Variants in APBA2 observed in about 807,000 individuals in gnomAD.
The protein encoded by APBA2 is amyloid-beta A4 precursor protein-binding family A member 2.
APBA2 carries 30 observed loss-of-function variants against 75.0 expected under a neutral mutation model. That is an observed-to-expected ratio of 0.40 (90% confidence interval 0.30 to 0.54). The LOEUF (loss-of-function observed/expected upper bound fraction) is 0.54, where lower values mean the gene tolerates loss of function less well. Among genes scored for constraint, APBA2 ranks in the 20% least tolerant of loss-of-function variants. The probability of loss-of-function intolerance (pLI) is 0.49; values close to 1 mark genes in which losing one functional copy is unlikely to be tolerated. For missense variants in APBA2, 801 were observed against 1,016.1 expected (o/e 0.79, Z 2.88); for synonymous variants, 444 against 409.6 (o/e 1.08, Z -1.01).
At chr15:29,076,022 T>G in intron 5 of APBA2, 33 bp from the exon 6 acceptor site, 2 of 1,608,116 alleles carry the variant, frequency 1.2e-6, no homozygotes, top group Non-Finnish European at 1.7e-6. Flanking sequence ...TTAACAATTG[T>G]TATGTGTTTT....
chr15:28,996,594 A>T (rs1336705565), intron 3 of APBA2, among the ~76,000 whole-genome samples: 1 of 152,144 alleles, frequency 6.6e-6, no homozygotes, highest in Non-Finnish European at 1.5e-5. Context: ...GCGGCTTTGT[A>T]GGGAAACTGG....
At chr15:29,100,149 G>A (rs2044046603) in intron 9 of APBA2, among the ~76,000 whole-genome samples, 1 of 152,216 alleles carries the variant, frequency 6.6e-6, no homozygotes, top group Non-Finnish European at 1.5e-5. Context: ...GAGGAGGAGG[G>A]ATCTGCCATT....
intron 4 of APBA2, among the ~76,000 whole-genome samples, chr15:29,060,080 T>C (rs541327684): frequency 2.1e-3 from 321 of 152,270 alleles, no homozygotes; most frequent in African/African-American, 7.4e-3. Context: ...ATGCTTCAGT[T>C]CCAAGATGAT....
chr15:29,036,807 T>C (rs1314571920), intron 3 of APBA2, among the ~76,000 whole-genome samples: 1 of 152,070 alleles, frequency 6.6e-6, no homozygotes, highest in East Asian at 1.9e-4. Context: ...ATTGCTTGAG[T>C]CCAAGACTTT....
In APBA2 at chr15:28,963,179, G is replaced by A. The variant is rs28564039; in HGVS notation, c.-94-32574G>A. On this transcript the variant is annotated intron_variant, in intron 2 of 14. Transcript: ENST00000683413. ...TTTTAAAGAATATTTTTCTAATTAC[G>A]TTTGTTTGTTTGGTCTGGCCTGATG... 3.5e-3 allele frequency among the ~76,000 whole-genome samples: 540 copies of A among 152,258 alleles called. 3 individuals carry two copies. Among genetic ancestry groups the A allele is most frequent in the Non-Finnish European group, 5.0e-3 (339 of 68,018 alleles).
intron 3 of APBA2, among the ~76,000 whole-genome samples, chr15:29,045,797 A>G (rs1162376200): frequency 6.6e-6 from 1 of 152,166 alleles, no homozygotes; most frequent in East Asian, 1.9e-4. Context: ...TATTAAGAAC[A>G]CAGAGCAAAA....
At chr15:29,030,899 T>C (rs2040458075) in intron 3 of APBA2, among the ~76,000 whole-genome samples, 1 of 152,230 alleles carries the variant, frequency 6.6e-6, no homozygotes, top group Admixed American at 6.5e-5. Flanking sequence ...GGCTATTAAT[T>C]TCACCTTTTA....
At chr15:29,069,513 A>T (rs1355924401) in intron 4 of APBA2, among the ~76,000 whole-genome samples, 3 of 152,246 alleles carry the variant, frequency 2.0e-5, no homozygotes, top group Non-Finnish European at 4.4e-5. Flanking sequence ...AAGGAAAAAA[A>T]TTAAGCAGCC....
intron 4 of APBA2, among the ~76,000 whole-genome samples, chr15:29,061,697 A>G (rs1241280560): frequency 6.6e-6 from 1 of 152,198 alleles, no homozygotes; most frequent in Non-Finnish European, 1.5e-5. Flanking sequence ...GAACCTTCTG[A>G]GAGTGTGATA....
chr15:29,011,328 G>A (rs1490078), intron 3 of APBA2, among the ~76,000 whole-genome samples: 52,621 of 152,052 alleles, frequency 0.35, 13,411 homozygotes, highest in African/African-American at 0.68. Flanking sequence ...TTTTGGATAC[G>A]TTGTATTTTT....
chr15:29,100,591 G>A (rs555178256), intron 9 of APBA2, among the ~76,000 whole-genome samples: 4 of 152,358 alleles, frequency 2.6e-5, no homozygotes, highest in South Asian at 2.1e-4. Flanking sequence ...GCCAGAGGCC[G>A]AGGGAATTGA....
intron 2 of APBA2, among the ~76,000 whole-genome samples, chr15:28,961,771 C>T (rs2036485779): frequency 6.6e-6 from 1 of 152,188 alleles, no homozygotes; most frequent in Admixed American, 6.5e-5. Context: ...TTCTAAAGGA[C>T]AGGTGCCTGG....
intron 6 of APBA2, among the ~76,000 whole-genome samples, chr15:29,091,431 G>A (rs2043566898): frequency 6.6e-6 from 1 of 152,186 alleles, no homozygotes; most frequent in South Asian, 2.1e-4. Flanking sequence ...GAGCAGGTGA[G>A]GGAGGGGCAG....
At chr15:28,926,216 A>AAC (rs1248337884) in intron 2 of APBA2, among the ~76,000 whole-genome samples, 1 of 152,178 alleles carries the variant, frequency 6.6e-6, no homozygotes, top group Non-Finnish European at 1.5e-5. Context: ...ACTTTTTAGT[A>AAC]ACTGTCTTCT....
chr15:29,042,283 CTCT>C (rs968998012), intron 3 of APBA2, among the ~76,000 whole-genome samples: 1 of 152,120 alleles, frequency 6.6e-6, no homozygotes, highest in African/African-American at 2.4e-5. Flanking sequence ...CTCTCGCTGT[CTCT>C]TCTTTTCTTT....
intron 4 of APBA2, among the ~76,000 whole-genome samples, chr15:29,056,017 T>C (rs2041869534): frequency 6.6e-6 from 1 of 152,184 alleles, no homozygotes; most frequent in Non-Finnish European, 1.5e-5. Context: ...CTTTGGTCTT[T>C]AGCAGGGCCT....
At chr15:28,997,290 G>A (rs759530517) in intron 3 of APBA2, among the ~76,000 whole-genome samples, 5 of 152,316 alleles carry the variant, frequency 3.3e-5, no homozygotes, top group Non-Finnish European at 7.3e-5. Flanking sequence ...GAAGAGCTGC[G>A]TGATTATTAA....
intron 2 of APBA2, among the ~76,000 whole-genome samples, chr15:28,984,891 C>A (rs1464520671): frequency 6.7e-6 from 1 of 150,322 alleles, no homozygotes; most frequent in African/African-American, 2.5e-5. Context: ...CCACTGCCAT[C>A]TCTGGGGGTT....
At position 28,918,201 on chromosome 15, in the gene APBA2, G is replaced by A. The variant is rs1017294498; in HGVS notation, c.-204-3439G>A. The stretch of plus-strand genomic sequence containing the variant: ...TGCGGTCTCCGTGGGTGAGGGAAAA[G>A]GCACAGGGAGGTGCAGAAGCGTTCC... On this transcript the variant is annotated intron_variant, in intron 1 of 14. Coordinates refer to ENST00000683413, the MANE Select transcript of APBA2 (RefSeq NM_001353788.2). This position sits in a 1 kb window ranked among gnomAD's most constrained non-coding sequence, Gnocchi z 4.2. Among the ~76,000 whole-genome samples the A allele has an allele frequency of 7.9e-5, 12 of 152,210 alleles. No individual in the cohort carries two copies. Among genetic ancestry groups the A allele is most frequent in the African/African-American group, 2.9e-4 (12 of 41,460 alleles).
Sources: gnomAD v4.1 joint callset for allele counts (sites outside exome capture counted in the v4.1 genomes callset) on GRCh38, gnomAD v4.1.1 for gene constraint, Gnocchi (gnomAD v3.1) non-coding constraint, MANE v1.5 for transcripts, NCBI Gene and HGNC (gene_info 2026-07-23, HGNC 2026-07-21) for gene names.